ACER1: variants seen among roughly 807,000 people sequenced by gnomAD.
ACER1 encodes the protein CTB-180A7.3.
In ACER1, 28 loss-of-function variants were observed where a neutral mutation model predicts 24.9. That is an observed-to-expected ratio of 1.13 (90% CI 0.83 to 1.54). ACER1 has a LOEUF of 1.54. ACER1 is among the 40% of genes most tolerant of loss of function. ACER1 has a pLI of 0.00. For missense variants in ACER1, 352 were observed against 349.3 expected, an observed-to-expected ratio of 1.01 and a Z score of -0.06; for synonymous variants, 132 against 131.4, an observed-to-expected ratio of 1.00 and a Z score of -0.03.
chr19:6,356,051 A>G, the ACER1 span, among the ~76,000 whole-genome samples: 4 of 151,372 alleles, frequency 2.6e-5, no homozygotes, highest in African/African-American at 9.8e-5. Flanking sequence ...CGGGGAAAGG[A>G]TTGAGAAATC....
intron 1 of ACER1, among the ~76,000 whole-genome samples, chr19:6,332,502 G>A (rs2091692848): frequency 6.6e-6 from 1 of 151,814 alleles, no homozygotes; most frequent in Non-Finnish European, 1.5e-5. Context: ...GGAACTCCTG[G>A]GCTCAAGCGA....
At chr19:6,321,605 T>C (rs1270854992) in intron 1 of ACER1, among the ~76,000 whole-genome samples, 2 of 130,544 alleles carry the variant, frequency 1.5e-5, no homozygotes, top group Non-Finnish European at 1.7e-5. Flanking sequence ...TTTTTCTTTG[T>C]TTGTTTTGTT....
chr19:6,309,974 T>C (rs1030624791), intron 3 of ACER1, 140 bp from the exon 4 acceptor site: 23 of 1,107,822 alleles, frequency 2.1e-5, no homozygotes, highest in African/African-American at 1.3e-4. Flanking sequence ...AAAAGGGTCC[T>C]AGCCAGGCAG....
the ACER1 span, among the ~76,000 whole-genome samples, chr19:6,356,474 A>AAAAAC: frequency 6.7e-6 from 1 of 149,944 alleles, no homozygotes; most frequent in Admixed American, 6.6e-5. Context: ...TCAATAAAAA[A>AAAAAC]ATAAATAAAA....
intron 1 of ACER1, among the ~76,000 whole-genome samples, chr19:6,330,037 A>AT (rs1291179826): frequency 2.0e-5 from 3 of 150,612 alleles, no homozygotes; most frequent in African/African-American, 4.9e-5. Context: ...CGCCCAGCTA[A>AT]TTTTTTTGTA....
the ACER1 span, among the ~76,000 whole-genome samples, chr19:6,350,413 TA>T: frequency 9.4e-5 from 14 of 149,594 alleles, no homozygotes; most frequent in Non-Finnish European, 1.5e-4. Context: ...ATAATAAAAT[TA>T]AAAAAAATTA....
the ACER1 span, among the ~76,000 whole-genome samples, chr19:6,344,892 G>A: frequency 6.9e-6 from 1 of 145,358 alleles, no homozygotes; most frequent in African/African-American, 2.5e-5. Context: ...TTGAGATGGA[G>A]TCTCGTTCTG....
At chr19:6,320,344 A>G (rs114784239) in intron 1 of ACER1, among the ~76,000 whole-genome samples, 10,065 of 151,506 alleles carry the variant, frequency 0.066, 370 homozygotes, top group East Asian at 0.12. Flanking sequence ...CGTATATCTC[A>G]CTCTGTCACC....
At chr19:6,345,049 TA>T in the ACER1 span, among the ~76,000 whole-genome samples, 4 of 151,894 alleles carry the variant, frequency 2.6e-5, no homozygotes, top group African/African-American at 9.7e-5. Flanking sequence ...GTATTTTTAG[TA>T]GAGACGGGGT....
chr19:6,352,055 CAA>C, the ACER1 span, among the ~76,000 whole-genome samples: 251 of 109,426 alleles, frequency 2.3e-3, 2 homozygotes, highest in African/African-American at 5.1e-3. Flanking sequence ...GACTCCATCT[CAA>C]AAAAAAAAAA....
At chr19:6,339,024 C>G in the ACER1 span, among the ~76,000 whole-genome samples, 1 of 151,928 alleles carries the variant, frequency 6.6e-6, no homozygotes, top group Non-Finnish European at 1.5e-5. Context: ...TTACAGGCGC[C>G]CACCACCACG....
At chr19:6,321,586 T>C (rs958485694) in intron 1 of ACER1, among the ~76,000 whole-genome samples, 8 of 150,248 alleles carry the variant, frequency 5.3e-5, no homozygotes, top group African/African-American at 2.0e-4. Flanking sequence ...GCAAGGAGTT[T>C]CTTGTATTTT....
chr19:6,334,975 G>C (rs2091707043), upstream of ACER1, among the ~76,000 whole-genome samples: 1 of 147,606 alleles, frequency 6.8e-6, no homozygotes. Context: ...TAATAAAAGA[G>C]CCTGGCCTTA....
chr19:6,323,576 A>C (rs976394044), intron 1 of ACER1, among the ~76,000 whole-genome samples: 3 of 152,204 alleles, frequency 2.0e-5, no homozygotes, highest in Non-Finnish European at 4.4e-5. Flanking sequence ...AAGTCCATTA[A>C]ACTTCTTTCT....
At chr19:6,340,634 C>T in the ACER1 span, among the ~76,000 whole-genome samples, 1,922 of 152,194 alleles carry the variant, frequency 0.013, 40 homozygotes, top group African/African-American at 0.045. Context: ...GAACAGGACC[C>T]AGCTGCTGAG....
the ACER1 span, among the ~76,000 whole-genome samples, chr19:6,351,536 G>C: frequency 6.8e-6 from 1 of 147,228 alleles, no homozygotes; most frequent in Admixed American, 6.9e-5. Flanking sequence ...TTTGAGTTCT[G>C]CCTGGACAAC....
chr19:6,328,516 A>AAAAAAAAC (rs2091672141), intron 1 of ACER1, among the ~76,000 whole-genome samples: 2 of 150,962 alleles, frequency 1.3e-5, no homozygotes, highest in Non-Finnish European at 2.9e-5. Context: ...AAAAAAAAAA[A>AAAAAAAAC]AAAAAGTCAA....
At chr19:6,324,836 G>A (rs2091651389) in intron 1 of ACER1, among the ~76,000 whole-genome samples, 1 of 139,338 alleles carries the variant, frequency 7.2e-6, no homozygotes, top group Non-Finnish European at 1.5e-5. Flanking sequence ...AAGGAAGGAA[G>A]GAAGGAAGGA....
chr19:6,309,620 C>A, intron 4 of ACER1, 77 bp downstream of exon 4: 1 of 1,583,238 alleles, frequency 6.3e-7, no homozygotes, highest in Non-Finnish European at 8.6e-7. Flanking sequence ...AGGGACGTCC[C>A]CTCCGCGAGC....
Sources: gnomAD v4.1 joint callset for allele counts (sites outside exome capture counted in the v4.1 genomes callset) on GRCh38, gnomAD v4.1.1 for gene constraint, MANE v1.5 for transcripts, NCBI Gene and HGNC (gene_info 2026-07-23, HGNC 2026-07-21) for gene names.